Variants in ZCWPW2 observed in about 807,000 individuals in gnomAD.
ZCWPW2 encodes the protein zinc finger CW-type and PWWP domain containing 2.
ZCWPW2 carries 45 observed loss-of-function variants against 46.6 expected under a neutral mutation model. The observed-to-expected ratio is 0.96, with a 90% CI of 0.76 to 1.24. The LOEUF (loss-of-function observed/expected upper bound fraction) is 1.24. Among genes scored for constraint, ZCWPW2 ranks in the 50% most tolerant of loss-of-function variants. The pLI, the probability that ZCWPW2 is intolerant of heterozygous loss-of-function variation, is 0.00. For missense variants in ZCWPW2, 429 were observed against 403.9 expected, an observed-to-expected ratio of 1.06 and a Z score of -0.53; for synonymous variants, 152 against 137.1, an observed-to-expected ratio of 1.11 and a Z score of -0.76.
At chr3:28,434,648 A>G (rs1697409569) in intron 3 of ZCWPW2, among the ~76,000 whole-genome samples, 1 of 152,224 alleles carries the variant, frequency 6.6e-6, no homozygotes, top group East Asian at 1.9e-4. Flanking sequence ...CTGAGCTATC[A>G]GGATTCCTTT....
chr3:28,409,331 G>T (rs550256244), intron 2 of ZCWPW2, among the ~76,000 whole-genome samples: 1 of 151,834 alleles, frequency 6.6e-6, no homozygotes, highest in Non-Finnish European at 1.5e-5. Context: ...TGTTGACCAG[G>T]CTGGTCTTGA....
intron 1 of ZCWPW2, among the ~76,000 whole-genome samples, chr3:28,370,037 T>C (rs1160164560): frequency 6.6e-6 from 1 of 152,162 alleles, no homozygotes; most frequent in African/African-American, 2.4e-5. Flanking sequence ...GTGACCTGAT[T>C]TTCCAGGTGC....
At chr3:28,450,520 C>A (rs1698185256) in intron 4 of ZCWPW2, among the ~76,000 whole-genome samples, 1 of 152,142 alleles carries the variant, frequency 6.6e-6, no homozygotes, top group Non-Finnish European at 1.5e-5. Context: ...ATAATGTATT[C>A]CTATTAGCAG....
chr3:28,485,875 ACT>A (rs1274719238), intron 5 of ZCWPW2, among the ~76,000 whole-genome samples: 1 of 148,350 alleles, frequency 6.7e-6, no homozygotes, highest in Non-Finnish European at 1.5e-5. Flanking sequence ...TTTGTCTTTC[ACT>A]CTTTTTCTGT....
intron 5 of ZCWPW2, among the ~76,000 whole-genome samples, chr3:28,484,679 C>T (rs1699536507): frequency 6.7e-6 from 1 of 150,152 alleles, no homozygotes; most frequent in Admixed American, 6.7e-5. Context: ...TCTCCCTTTC[C>T]TCCTTCCTTC....
chr3:28,407,226 A>C (rs1420798372), intron 2 of ZCWPW2, among the ~76,000 whole-genome samples: 1 of 152,120 alleles, frequency 6.6e-6, no homozygotes, highest in Admixed American at 6.5e-5. Flanking sequence ...TGCATCCTTC[A>C]TGGAGCCCTC....
At chr3:28,517,061 A>C (rs747209174) in intron 8 of ZCWPW2, among the ~76,000 whole-genome samples, 65 of 152,314 alleles carry the variant, frequency 4.3e-4, no homozygotes, top group Middle Eastern at 3.4e-3. Context: ...AAAGTAGGAA[A>C]AGTTTTAGAC....
At chr3:28,459,413 T>C (rs1167287456) in intron 4 of ZCWPW2, among the ~76,000 whole-genome samples, 1 of 152,032 alleles carries the variant, frequency 6.6e-6, no homozygotes, top group Admixed American at 6.5e-5. Flanking sequence ...ATTCTTGAAA[T>C]CACTCTCCTT....
At chr3:28,474,534 G>A (rs1699154633) in intron 4 of ZCWPW2, among the ~76,000 whole-genome samples, 1 of 149,916 alleles carries the variant, frequency 6.7e-6, no homozygotes, top group African/African-American at 2.5e-5. Flanking sequence ...ACATACATCT[G>A]TTTTCTCATT....
intron 6 of ZCWPW2, among the ~76,000 whole-genome samples, chr3:28,496,240 G>A (rs1438043425): frequency 2.0e-5 from 3 of 151,942 alleles, no homozygotes; most frequent in Non-Finnish European, 4.4e-5. Context: ...AATTTGAGAT[G>A]GCTTTTGTCT....
intron 4 of ZCWPW2, among the ~76,000 whole-genome samples, chr3:28,444,521 C>T (rs1350503577): frequency 6.6e-6 from 1 of 152,130 alleles, no homozygotes; most frequent in East Asian, 1.9e-4. Context: ...AGGGTCCTCC[C>T]ACATGTCCCC....
At chr3:28,414,555 C>A (rs1412640754) in intron 3 of ZCWPW2, among the ~76,000 whole-genome samples, 4 of 149,140 alleles carry the variant, frequency 2.7e-5, no homozygotes, top group Non-Finnish European at 5.9e-5. Flanking sequence ...GTGCTGCACC[C>A]ATTAACTCGT....
intron 5 of ZCWPW2, among the ~76,000 whole-genome samples, chr3:28,483,518 A>G (rs942500249): frequency 6.6e-6 from 1 of 152,182 alleles, no homozygotes; most frequent in Non-Finnish European, 1.5e-5. Context: ...TGATTTCACA[A>G]AATAACTTGC....
At chr3:28,480,574 C>T (rs2125805966) in intron 5 of ZCWPW2, among the ~76,000 whole-genome samples, 1 of 152,154 alleles carries the variant, frequency 6.6e-6, no homozygotes, top group East Asian at 1.9e-4. Flanking sequence ...TTGCTGTGCT[C>T]TTTGGTTTAA....
chr3:28,388,243 A>G (rs1034058304), intron 1 of ZCWPW2, among the ~76,000 whole-genome samples: 10 of 152,174 alleles, frequency 6.6e-5, no homozygotes, highest in Non-Finnish European at 1.5e-4. Context: ...ACACCTTCAC[A>G]GAAATATCCA....
chr3:28,442,562 G>C (rs757800914), intron 4 of ZCWPW2, among the ~76,000 whole-genome samples: 5 of 152,220 alleles, frequency 3.3e-5, no homozygotes, highest in Non-Finnish European at 7.3e-5. Flanking sequence ...GACAGTAAAA[G>C]TATATTACTG....
chr3:28,489,212 T>C (rs1412308130), intron 5 of ZCWPW2, among the ~76,000 whole-genome samples: 1 of 152,168 alleles, frequency 6.6e-6, no homozygotes, highest in Non-Finnish European at 1.5e-5. Flanking sequence ...TCCAGATACA[T>C]AGACTCCAAT....
intron 3 of ZCWPW2, among the ~76,000 whole-genome samples, chr3:28,433,323 C>G (rs1388413094): frequency 6.6e-6 from 1 of 152,122 alleles, no homozygotes; most frequent in Admixed American, 6.6e-5. Flanking sequence ...GGTACTGATC[C>G]CGCTTCTGAG....
intron 8 of ZCWPW2, among the ~76,000 whole-genome samples, chr3:28,519,887 CA>C (rs1700675590): frequency 6.6e-6 from 1 of 151,802 alleles, no homozygotes; most frequent in African/African-American, 2.4e-5. Context: ...GTCAAGAACT[CA>C]AATGCATATT....
Sources: allele counts gnomAD v4.1 joint callset (sites outside exome capture counted in the v4.1 genomes callset), GRCh38; gene constraint gnomAD v4.1.1; transcripts MANE v1.5; gene names NCBI Gene and HGNC (gene_info 2026-07-23, HGNC 2026-07-21).